The following L1CAM variants were observed in gnomAD, a reference collection of about 807,000 sequenced individuals.
L1CAM encodes L1 cell adhesion molecule.
In L1CAM, 8 loss-of-function variants were observed where a neutral mutation model predicts 93.0. That is an observed-to-expected ratio of 0.09 (90% CI 0.05 to 0.16). The LOEUF (loss-of-function observed/expected upper bound fraction) is 0.16, where lower values mean the gene tolerates loss of function less well. Ranked by LOEUF, L1CAM falls within the 10% of genes least tolerant of loss-of-function variation. The probability of loss-of-function intolerance (pLI) is 1.00; values close to 1 mark genes in which losing one functional copy is unlikely to be tolerated. For missense variants in L1CAM, 777 were observed against 1,073.4 expected, an observed-to-expected ratio of 0.72 and a Z score of 3.86; for synonymous variants, 453 against 453.0, an observed-to-expected ratio of 1.00 and a Z score of 0.00.
rs201625971 is a variant in L1CAM at position 153,862,762 on chromosome X, G to A, written c.3675C>T (p.Phe1225=). The stretch of plus-strand genomic sequence containing the variant: ...CCTTCTTGCCACTGTACTGGCCAAT[G>A]AACGAACCATCCTCGTTGAACTGAA... ...VDVQFNEDGS[F]IGQYSGKKEK... Residue 1225 remains phenylalanine, a synonymous_variant, in exon 29 of 29, where the codon TTC becomes TTT. Transcript: ENST00000370060. 1 of 1,211,015 alleles carries A rather than the reference G, an allele frequency of 8.3e-7. No homozygotes were observed. The highest frequency in any genetic ancestry group is 1.1e-6 in the Non-Finnish European group (1 of 895,151).
intron 25 of L1CAM, 142 bp from the exon 26 acceptor site, chrX:153,864,159 A>G (rs1294183469): frequency 9.7e-7 from 1 of 1,029,693 alleles, no homozygotes; most frequent in Admixed American, 2.2e-5. Context: ...CGGAAAGGGT[A>G]TGAAAGGGGG....
chrX:153,866,979 A>G (rs2064719878), intron 18 of L1CAM, 75 bp downstream of exon 18: 1 of 1,125,142 alleles, frequency 8.9e-7, no homozygotes, highest in Non-Finnish European at 1.2e-6. Flanking sequence ...CTTCCTTTGC[A>G]TAGCCAAGGG....
At chrX:153,869,416 G>A in intron 11 of L1CAM, 104 bp downstream of exon 11, 1 of 963,602 alleles carries the variant, frequency 1.0e-6, no homozygotes. Context: ...CAGCCTGGTA[G>A]GCCGAGGACA....
chrX:153,868,723 C>T lies in L1CAM; in HGVS notation c.1384G>A (p.Asp462Asn). 8.3e-7 allele frequency: 1 copy of T among 1,211,831 alleles called. No individual in the cohort carries two copies. Among genetic ancestry groups the T allele is most frequent in the Non-Finnish European group, 1.1e-6 (1 of 895,546 alleles). ...GAPVPSVQWL[D>N]EDGTTVLQDE... ...TGAAGCACTGTTGTCCCATCCTCGT[C>T]CAGCCTGGAGGGAGCAGGGCGGGCC... The change falls in exon 13 of 29, where the codon GAC becomes AAC. Residue 462 changes from aspartate (D) to asparagine (N), a missense_variant. Asp to Asn is a conservative substitution (Grantham distance 23, BLOSUM62 1). This residue lies in a region of L1CAM where 574 missense variants were observed against 781.0 expected (regional missense o/e 0.73). Transcript: ENST00000370060.
Position 153,867,370 on chromosome X carries a change from A to T in L1CAM, c.2123T>A (p.Val708Asp), listed in dbSNP as rs781854922. The T allele has an allele frequency of 9.1e-6, 11 of 1,207,457 alleles. No homozygotes were observed. The East Asian group carries it at 3.3e-4, about 36-fold the overall frequency. The change falls in exon 17 of 29, where the codon GTC becomes GAC. Residue 708 changes from valine to aspartate, a missense_variant. By Grantham distance (152) the Val-to-Asp change is radical (BLOSUM62 -3). This residue lies in a region of L1CAM where 574 missense variants were observed against 781.0 expected (regional missense o/e 0.73). Coordinates refer to ENST00000370060, the MANE Select transcript of L1CAM (RefSeq NM_001278116.2). ...CCCTGACTCACCTGCCTCAGGTGTG[A>T]CCACAGTCTCAGAGACCGGGCTGGG... Reference protein sequence around the residue: ...GEPSPVSETVVTPEAAPEKNP... With the variant: ...GEPSPVSETVDTPEAAPEKNP...
intron 27 of L1CAM, 35 bp from the exon 28 acceptor site, chrX:153,863,414 G>C: frequency 5.0e-6 from 6 of 1,211,073 alleles, no homozygotes; most frequent in Non-Finnish European, 5.6e-6. Flanking sequence ...AAGAGAGAGA[G>C]GGGGTGAGAT....
chrX:153,871,922 G>C (rs1236217628), intron 5 of L1CAM, among the ~76,000 whole-genome samples: 2 of 103,492 alleles, frequency 1.9e-5, no homozygotes, highest in Non-Finnish European at 3.9e-5. Context: ...GAAAGCCTGA[G>C]GGAGTGAAAG....
chrX:153,864,062 A>G, intron 25 of L1CAM, 45 bp from the exon 26 acceptor site: 1 of 1,207,365 alleles, frequency 8.3e-7, no homozygotes. Flanking sequence ...CCAAGCCAGA[A>G]CCCGACCTGA....
intron 5 of L1CAM, among the ~76,000 whole-genome samples, chrX:153,871,633 G>A (rs1049058733): frequency 9.0e-6 from 1 of 110,725 alleles, no homozygotes; most frequent in African/African-American, 3.3e-5. Context: ...GAAGCAGAAA[G>A]CTCAGGGAGG....
intron 1 of L1CAM, among the ~76,000 whole-genome samples, chrX:153,881,560 C>T (rs1240402265): frequency 9.0e-6 from 1 of 111,637 alleles, no homozygotes; most frequent in Non-Finnish European, 1.9e-5. Context: ...AGCTGAAGCC[C>T]GACACCAAAC....
chrX:153,866,132 T>C (rs2064710318), intron 19 of L1CAM, among the ~76,000 whole-genome samples: 1 of 110,503 alleles, frequency 9.0e-6, no homozygotes, highest in African/African-American at 3.3e-5. Context: ...CTGATCAACA[T>C]GGTGCAACCG....
Position 153,868,142 on chromosome X carries a change from G to A in L1CAM, c.1704-20C>T, listed in dbSNP as rs782404952. The A allele has an allele frequency of 2.3e-5, 28 of 1,209,848 alleles. No individual in the cohort carries two copies. In the South Asian group the frequency reaches 4.7e-4, roughly 20 times the overall value. On this transcript the variant is annotated intron_variant, in intron 14 of 28. Transcript: ENST00000370060. ...AAGTACCTGCGGAGGAGCCGTGTCT[G>A]TCTTTCCTGCCATCTGGGCTCTTCT...
chrX:153,861,660 C>T lies in L1CAM; in HGVS notation c.*1003G>A, dbSNP rs782582367. 9.0e-6 allele frequency: 1 copy of T among 110,902 alleles called. No homozygotes were observed. The highest frequency in any genetic ancestry group is 2.8e-4 in the East Asian group (1 of 3,541). The allele number at this position is 110,902 out of a possible 1,213,427, so 9.1% of individuals were successfully genotyped here. A position where few individuals can be genotyped will look rare whatever the true frequency, so the allele number is the denominator to read the frequency against. On this transcript the variant is annotated 3_prime_UTR_variant, in exon 29 of 29. Transcript: ENST00000370060. The stretch of plus-strand genomic sequence containing the variant: ...TGGCTGCTGAGCAGTGCTGGGAGAA[C>T]CAATCTTTCCTTTTTTTTTGTCTGT...
chrX:153,883,789 C>T (rs185535513), intron 1 of L1CAM: 3 of 342,061 alleles, frequency 8.8e-6, no homozygotes, highest in South Asian at 2.6e-5. Context: ...CTCCCATGAA[C>T]GTGCCCTCCT....
rs782778239 is a variant in L1CAM, at chrX:153,877,489, T to C, written c.-108-1545A>G. ...AAAAAAAAAAAAAGTTAGCCTGGCGTGGTGGTGCATTCCTGTAATCCCAGC... is the reference window on the plus strand; with the variant it reads ...AAAAAAAAAAAAAGTTAGCCTGGCGCGGTGGTGCATTCCTGTAATCCCAGC... On this transcript the variant is annotated intron_variant, in intron 1 of 28. Coordinates refer to ENST00000370060, the MANE Select transcript of L1CAM (RefSeq NM_001278116.2). 7.7e-5 allele frequency among the ~76,000 whole-genome samples: 8 copies of C among 103,472 alleles called. No individual in the cohort carries two copies. In the South Asian group the frequency reaches 3.5e-3, roughly 45 times the overall value. 89.9% of individuals were successfully genotyped at this position (103,472 alleles called of 115,157 possible).
In L1CAM at chrX:153,862,673, G is replaced by A. The variant is rs782017677; in HGVS notation, c.3764C>T (p.Ala1255Val). 7.5e-6 allele frequency: 9 copies of A among 1,206,987 alleles called. No homozygotes were observed. The East Asian group carries it at 2.1e-4, about 28-fold the overall frequency. Residue 1255 changes from alanine (A) to valine (V), a missense_variant, in exon 29 of 29, where the codon GCC becomes GTC. Around this residue, in one of 5 missense-constraint regions of L1CAM, gnomAD observed 110 missense variants for 141.7 expected, o/e 0.78. Coordinates refer to ENST00000370060, the MANE Select transcript of L1CAM (RefSeq NM_001278116.2). ...CTGTCCTGGACTCCACTATTCTAGGGCCACGGCAGGGTTGATGGGGGAAGT... is the reference window on the plus strand; with the variant it reads ...CTGTCCTGGACTCCACTATTCTAGGACCACGGCAGGGTTGATGGGGGAAGT... ...GATSPINPAV[A>V]LE
chrX:153,885,993 G>A, intron 1 of L1CAM, 72 bp downstream of exon 1: 26 of 658,748 alleles, frequency 3.9e-5, no homozygotes, highest in Non-Finnish European at 4.6e-5. Flanking sequence ...TGCACCCCGG[G>A]CAGAGCGGTG....
At position 153,870,815 on chromosome X, in the gene L1CAM, T is replaced by C. The variant is rs782484578; in HGVS notation, c.669A>G (p.Glu223=). Residue 223 remains glutamate, a synonymous_variant, in exon 7 of 29, where the codon GAA becomes GAG. Transcript: ENST00000370060. ...TGGCCTTGACCCGGAGGTCAATGGG[T>C]TCCTTCTGAATGATGGTCCTGGTGC... The part of the protein sequence containing the change: ...FPGTRTIIQK[E]PIDLRVKATN... The C allele has an allele frequency of 6.6e-6, 8 of 1,208,630 alleles. No individual in the cohort carries two copies. In the Admixed American group the frequency reaches 1.8e-4, roughly 26 times the overall value.
At chrX:153,884,560 A>G (rs2148507310) in intron 1 of L1CAM, 2 of 192,193 alleles carry the variant, frequency 1.0e-5, no homozygotes, top group South Asian at 8.5e-5. Context: ...ATCAATAAAT[A>G]TGGAGAGAGA....
Sources: allele counts gnomAD v4.1 joint callset (sites outside exome capture counted in the v4.1 genomes callset), GRCh38; gene constraint gnomAD v4.1.1; regional missense constraint gnomAD v4.1.1; transcripts MANE v1.5; gene names NCBI Gene and HGNC (gene_info 2026-07-23, HGNC 2026-07-21).